The following NIM1K variants were observed in gnomAD, a reference collection of about 807,000 sequenced individuals.
NIM1K encodes the protein serine/threonine-protein kinase NIM1.
NIM1K carries 35 observed loss-of-function variants against 37.1 expected under a neutral mutation model. The observed-to-expected ratio is 0.94, with a 90% CI of 0.72 to 1.25. The LOEUF is 1.25. NIM1K is among the 50% of genes most tolerant of loss of function. The pLI is 0.00. For synonymous variants in NIM1K, 234 were observed against 206.6 expected (o/e 1.13, Z -1.14); for missense variants, 564 against 548.0 (o/e 1.03, Z -0.29).
At chr5:43,244,267 G>T (rs1289206949) in intron 1 of NIM1K, among the ~76,000 whole-genome samples, 4 of 152,230 alleles carry the variant, frequency 2.6e-5, no homozygotes, top group Non-Finnish European at 5.9e-5. Context: ...TATTTACTTA[G>T]TAAACACTTT....
chr5:43,273,163 C>T (rs1295080913), intron 2 of NIM1K, among the ~76,000 whole-genome samples: 1 of 151,976 alleles, frequency 6.6e-6, no homozygotes, highest in Admixed American at 6.6e-5. Context: ...CCCAGGCTTG[C>T]TGCTCCTCTC....
intron 2 of NIM1K, among the ~76,000 whole-genome samples, chr5:43,273,200 C>CTT (rs113748798): frequency 1.9e-4 from 27 of 145,522 alleles, no homozygotes; most frequent in East Asian, 1.4e-3. Context: ...TGCCAGAGTG[C>CTT]TTTTTTTTTT....
At chr5:43,221,447 CAAAAAAAAAAA>C (rs55658060) in intron 1 of NIM1K, among the ~76,000 whole-genome samples, 7 of 124,112 alleles carry the variant, frequency 5.6e-5, no homozygotes, top group Non-Finnish European at 8.1e-5. Flanking sequence ...GAGACTGTCT[CAAAAAAAAAAA>C]AAAAAAAAAA....
At chr5:43,198,163 C>A (rs1214883189) in intron 1 of NIM1K, among the ~76,000 whole-genome samples, 10 of 51,442 alleles carry the variant, frequency 1.9e-4, no homozygotes, top group African/African-American at 7.0e-4. Flanking sequence ...TTCTTTCTTT[C>A]TTTCTTTCTT....
At chr5:43,227,370 A>T (rs1752472836) in intron 1 of NIM1K, among the ~76,000 whole-genome samples, 1 of 152,208 alleles carries the variant, frequency 6.6e-6, no homozygotes, top group South Asian at 2.1e-4. Flanking sequence ...AAAGAAAAAA[A>T]TAATAAAATA....
intron 1 of NIM1K, among the ~76,000 whole-genome samples, chr5:43,243,097 C>T (rs538425349): frequency 3.9e-5 from 6 of 152,252 alleles, no homozygotes; most frequent in Non-Finnish European, 7.4e-5. Flanking sequence ...CCACTGTGCC[C>T]GGCGCCCTCC....
In NIM1K at chr5:43,246,021, T is replaced by G. The variant is rs1579977483; in HGVS notation, c.246T>G (p.Ser82Arg). Residue 82 changes from serine (S) to arginine (R), a missense_variant, in exon 2 of 4, where the codon AGT (serine) becomes AGG (arginine). Coordinates refer to ENST00000326035, the MANE Select transcript of NIM1K (RefSeq NM_153361.4). ...ACCGAATTCGAGGGGAAATCGGAAG[T>G]GGAAACTTCTCCCAAGTGAAGCTTG... ...GFYRIRGEIGSGNFSQVKLGI... is the reference protein window; with the variant it reads ...GFYRIRGEIGRGNFSQVKLGI... 1 of 1,613,942 alleles carries G rather than the reference T, an allele frequency of 6.2e-7. No homozygotes were observed. Among genetic ancestry groups the G allele is most frequent in the African/African-American group, 1.3e-5 (1 of 75,026 alleles).
intron 1 of NIM1K, among the ~76,000 whole-genome samples, chr5:43,228,917 CA>C (rs947114368): frequency 1.2e-4 from 19 of 152,130 alleles, no homozygotes; most frequent in Admixed American, 1.1e-3. Flanking sequence ...GTTAAGCACA[CA>C]AAAAAACCTT....
chr5:43,207,255 C>T, intron 1 of NIM1K: 1 of 758,664 alleles, frequency 1.3e-6, no homozygotes, highest in Non-Finnish European at 2.5e-6. Flanking sequence ...AAAGATTACA[C>T]TGGCAAAGAT....
intron 2 of NIM1K, among the ~76,000 whole-genome samples, chr5:43,265,758 T>C (rs1407820018): frequency 6.6e-6 from 1 of 152,232 alleles, no homozygotes; most frequent in Non-Finnish European, 1.5e-5. Context: ...TTTGTGGTTT[T>C]ATCTACCTTT....
At chr5:43,248,505 T>C (rs1561086441) in intron 2 of NIM1K, among the ~76,000 whole-genome samples, 2 of 151,944 alleles carry the variant, frequency 1.3e-5, no homozygotes, top group African/African-American at 4.8e-5. Flanking sequence ...CTGAGCTAGG[T>C]GGATGTCAGT....
intron 1 of NIM1K, chr5:43,192,746 C>G (rs985149584): frequency 3.9e-5 from 6 of 152,246 alleles, no homozygotes; most frequent in African/African-American, 1.4e-4. Flanking sequence ...GTGTGTGCAC[C>G]CATGTCTCTG....
intron 2 of NIM1K, among the ~76,000 whole-genome samples, chr5:43,250,919 T>C (rs973192291): frequency 1.5e-4 from 23 of 152,190 alleles, no homozygotes; most frequent in African/African-American, 5.5e-4. Context: ...CAGACAAATT[T>C]ATCTGAAATA....
intron 2 of NIM1K, among the ~76,000 whole-genome samples, chr5:43,254,667 G>T (rs1752914681): frequency 6.6e-6 from 1 of 152,176 alleles, no homozygotes; most frequent in South Asian, 2.1e-4. Flanking sequence ...TGATCTCCCT[G>T]GAGGACAGGG....
At chr5:43,272,639 A>G (rs943140275) in intron 2 of NIM1K, among the ~76,000 whole-genome samples, 2 of 152,174 alleles carry the variant, frequency 1.3e-5, no homozygotes, top group Admixed American at 1.3e-4. Context: ...ACACAAAACT[A>G]TCTTCCTAGG....
At chr5:43,233,517 C>A (rs909739145) in intron 1 of NIM1K, among the ~76,000 whole-genome samples, 14 of 152,294 alleles carry the variant, frequency 9.2e-5, no homozygotes, top group African/African-American at 3.4e-4. Context: ...AAACTAGGAG[C>A]TTTTGTTCCA....
At chr5:43,238,824 A>G (rs1200814546) in intron 1 of NIM1K, among the ~76,000 whole-genome samples, 3 of 151,662 alleles carry the variant, frequency 2.0e-5, no homozygotes, top group Non-Finnish European at 4.4e-5. Flanking sequence ...CTGGGAACCA[A>G]GAGTGCAAGG....
chr5:43,209,074 G>A (rs1752167437), intron 1 of NIM1K, among the ~76,000 whole-genome samples: 1 of 152,186 alleles, frequency 6.6e-6, no homozygotes. Context: ...AATTCTGCTG[G>A]AAGCGACTAA....
chr5:43,249,394 G>A (rs975160874), intron 2 of NIM1K, among the ~76,000 whole-genome samples: 1 of 151,994 alleles, frequency 6.6e-6, no homozygotes, highest in African/African-American at 2.4e-5. Flanking sequence ...GTTCTATTCA[G>A]GTCTTCAACT....
Sources: gnomAD v4.1 joint callset for allele counts (sites outside exome capture counted in the v4.1 genomes callset) on GRCh38, gnomAD v4.1.1 for gene constraint, MANE v1.5 for transcripts, NCBI Gene and HGNC (gene_info 2026-07-23, HGNC 2026-07-21) for gene names.